REEP5: variants seen among roughly 807,000 people sequenced by gnomAD.
REEP5 encodes the protein receptor expression-enhancing protein 5.
REEP5 carries 24 observed loss-of-function variants against 22.4 expected under a neutral mutation model. That is an observed-to-expected ratio of 1.07 (90% CI 0.78 to 1.51). The LOEUF (loss-of-function observed/expected upper bound fraction) is 1.51. Ranked by LOEUF, REEP5 falls within the 40% of genes most tolerant of loss-of-function variation. The pLI is 0.00. For missense variants in REEP5, 252 were observed against 233.0 expected, an observed-to-expected ratio of 1.08 and a Z score of -0.53; for synonymous variants, 103 against 88.6, an observed-to-expected ratio of 1.16 and a Z score of -0.92.
In REEP5 at chr5:112,888,269, A is replaced by G. The variant is rs545977548; in HGVS notation, c.352-1086T>C. ...GTCTTTCAGGTGTTTTAGAGATACA[A>G]AGCTGATAAAGGGCTAACACTAATG... On this transcript the variant is annotated intron_variant, in intron 3 of 4. Coordinates refer to ENST00000379638, the MANE Select transcript of REEP5 (RefSeq NM_005669.5). Among the ~76,000 whole-genome samples, 5 of 152,368 alleles carry G rather than the reference A, an allele frequency of 3.3e-5. No individual in the cohort carries two copies. In the East Asian group the frequency reaches 9.6e-4, roughly 29 times the overall value.
Position 112,878,731 on chromosome 5 carries a change from A to G in REEP5, c.*55T>C. The G allele has an allele frequency of 6.2e-7, 1 of 1,605,848 alleles. No individual in the cohort carries two copies. On this transcript the variant is annotated 3_prime_UTR_variant, in exon 5 of 5. Coordinates refer to ENST00000379638, the MANE Select transcript of REEP5 (RefSeq NM_005669.5). The stretch of plus-strand genomic sequence containing the variant: ...ATTATACCACAGTCCCTAATATAAC[A>G]TCAAGCTCCAGTAGGAAGGTACAGA...
intron 2 of REEP5, 38 bp downstream of exon 2, chr5:112,921,124 GA>G: frequency 6.3e-7 from 1 of 1,593,298 alleles, no homozygotes; most frequent in Non-Finnish European, 8.6e-7. Context: ...GGGAGGAATG[GA>G]GGAAGGGAAG....
chr5:112,888,508 G>T (rs376637181), intron 3 of REEP5, among the ~76,000 whole-genome samples: 1 of 152,130 alleles, frequency 6.6e-6, no homozygotes, highest in Non-Finnish European at 1.5e-5. Flanking sequence ...CTGCAGCCTT[G>T]AACTCCTGGG....
chr5:112,897,350 A>ATC (rs763546047), intron 3 of REEP5: 2 of 129,446 alleles, frequency 1.5e-5, no homozygotes, highest in Non-Finnish European at 3.5e-5. Context: ...AACACATCCC[A>ATC]TCACACACAC....
chr5:112,897,301 A>G (rs1377464021), intron 3 of REEP5: 2 of 151,796 alleles, frequency 1.3e-5, no homozygotes, highest in Non-Finnish European at 2.9e-5. Context: ...GACTACTCTA[A>G]GATGTAGGAT....
chr5:112,919,135 T>C (rs1769294646), intron 2 of REEP5, among the ~76,000 whole-genome samples: 1 of 152,158 alleles, frequency 6.6e-6, no homozygotes, highest in African/African-American at 2.4e-5. Context: ...GTATGGAGAA[T>C]AGTTAAAATG....
chr5:112,917,533 C>T (rs532105616), intron 2 of REEP5, among the ~76,000 whole-genome samples: 1 of 152,232 alleles, frequency 6.6e-6, no homozygotes, highest in Non-Finnish European at 1.5e-5. Flanking sequence ...GAAAGCAAAC[C>T]TTCCCCTTTC....
chr5:112,878,646 T>G lies in REEP5; in HGVS notation c.*140A>C. ...GACAGTAAAAGTAAGCAAAGAAACT[T>G]ACAACACATTCCAATCTTTAATATC... On this transcript the variant is annotated 3_prime_UTR_variant, in exon 5 of 5. Coordinates refer to ENST00000379638, the MANE Select transcript of REEP5 (RefSeq NM_005669.5). 1 of 1,250,424 alleles carries G rather than the reference T, an allele frequency of 8.0e-7. No individual in the cohort carries two copies. The highest frequency in any genetic ancestry group is 2.7e-5 in the Admixed American group (1 of 37,648). The allele number at this position is 1,250,424 out of a possible 1,614,324, so 77.5% of individuals were successfully genotyped here.
Position 112,877,285 on chromosome 5 carries a change from G to T in REEP5, c.*1501C>A, listed in dbSNP as rs1767926957. 2.0e-5 allele frequency: 3 copies of T among 152,170 alleles called. No homozygotes were observed. Among genetic ancestry groups the T allele is most frequent in the African/African-American group, 7.2e-5 (3 of 41,526 alleles). 9.4% of individuals were successfully genotyped at this position (152,170 alleles called of 1,614,324 possible). A position where few individuals can be genotyped will look rare whatever the true frequency, so the allele number is the denominator to read the frequency against. On this transcript the variant is annotated 3_prime_UTR_variant, in exon 5 of 5. Transcript: ENST00000379638. Reference sequence around the variant, plus strand: ...TGATCTTACCTGATTGTTATCTCAAGGTGAGCTAATCATCTTTATTTGCCT... The same window carrying T: ...TGATCTTACCTGATTGTTATCTCAATGTGAGCTAATCATCTTTATTTGCCT...
At chr5:112,893,200 A>T (rs1768554493) in intron 3 of REEP5, 1 of 436,598 alleles carries the variant, frequency 2.3e-6, no homozygotes, top group East Asian at 4.7e-5. Context: ...ACTTGAGGTC[A>T]GGAGTTTGAG....
intron 2 of REEP5, among the ~76,000 whole-genome samples, chr5:112,904,951 A>C (rs934744536): frequency 6.6e-6 from 1 of 152,180 alleles, no homozygotes; most frequent in African/African-American, 2.4e-5. Flanking sequence ...GAATACATAC[A>C]CTGATCACAA....
chr5:112,884,560 A>G (rs1768173951), intron 4 of REEP5, among the ~76,000 whole-genome samples: 2 of 151,810 alleles, frequency 1.3e-5, no homozygotes, highest in African/African-American at 4.8e-5. Flanking sequence ...AAATTTTTGT[A>G]GAGAGCGGGT....
chr5:112,891,591 A>G (rs544924368), intron 3 of REEP5: 343 of 1,556,910 alleles, frequency 2.2e-4, no homozygotes, highest in Non-Finnish European at 2.9e-4. Context: ...AATCTTCCAT[A>G]TATTCCCATA....
At chr5:112,895,573 C>G (rs760530510) in intron 3 of REEP5, 1 of 152,176 alleles carries the variant, frequency 6.6e-6, no homozygotes, top group African/African-American at 2.4e-5. Flanking sequence ...TGACTACTTT[C>G]TGGTACCCTC....
chr5:112,921,286 G>C lies in REEP5; in HGVS notation c.119-30C>G, dbSNP rs767765040. 3.7e-6 allele frequency: 6 copies of C among 1,607,568 alleles called. No individual in the cohort carries two copies. In the South Asian group the frequency reaches 6.6e-5, roughly 18 times the overall value. On this transcript the variant is annotated intron_variant, in intron 1 of 4. Transcript: ENST00000379638. ...GGACCACAAGGAGAGAAGTGGGTCG[G>C]GCAGCATGAGAGCCGTTCACGCGGG...
chr5:112,908,749 G>A (rs1302525211), intron 2 of REEP5, among the ~76,000 whole-genome samples: 9 of 151,736 alleles, frequency 5.9e-5, no homozygotes, highest in African/African-American at 2.2e-4. Flanking sequence ...TAGAGACGGG[G>A]TTTCACCTTG....
intron 1 of REEP5, chr5:112,921,707 T>C: frequency 4.3e-6 from 1 of 234,416 alleles, no homozygotes; most frequent in South Asian, 6.5e-5. Flanking sequence ...GAGGGTCGGG[T>C]AGGACCGGGT....
chr5:112,886,950 G>T, intron 4 of REEP5, 65 bp downstream of exon 4: 1 of 1,246,282 alleles, frequency 8.0e-7, no homozygotes, highest in Non-Finnish European at 1.1e-6. Flanking sequence ...CAGGAAGCCT[G>T]TTATTTGAGC....
intron 2 of REEP5, among the ~76,000 whole-genome samples, chr5:112,917,411 G>A (rs141050650): frequency 6.6e-6 from 1 of 152,166 alleles, no homozygotes; most frequent in Non-Finnish European, 1.5e-5. Context: ...GCCCAACTCT[G>A]ATAGTCCCAG....
Sources: allele counts gnomAD v4.1 joint callset (sites outside exome capture counted in the v4.1 genomes callset), GRCh38; gene constraint gnomAD v4.1.1; transcripts MANE v1.5; gene names NCBI Gene and HGNC (gene_info 2026-07-23, HGNC 2026-07-21).